NEK11: variants seen among roughly 807,000 people sequenced by gnomAD.
The protein encoded by NEK11 is NIMA related kinase 11.
Under a neutral mutation model 80.7 loss-of-function variants are expected in NEK11, and 72 were observed. The ratio of observed to expected loss-of-function variants is 0.89; its 90% confidence interval spans 0.74 to 1.08. The LOEUF (loss-of-function observed/expected upper bound fraction) is 1.08, where lower values mean the gene tolerates loss of function less well. NEK11 is among the 50% of genes least tolerant of loss of function. The pLI is 0.00. For missense variants in NEK11, 764 were observed against 763.6 expected, an observed-to-expected ratio of 1.00 and a Z score of -0.01; for synonymous variants, 251 against 260.7, an observed-to-expected ratio of 0.96 and a Z score of 0.36.
chr3:131,174,801 C>T (rs1384172669), intron 14 of NEK11: 13 of 1,610,098 alleles, frequency 8.1e-6, no homozygotes, highest in Non-Finnish European at 1.0e-5. Flanking sequence ...AGTGTTTTTT[C>T]CAAAGCTGGA....
intron 17 of NEK11, among the ~76,000 whole-genome samples, chr3:131,288,761 T>C (rs1175380969): frequency 2.0e-5 from 3 of 152,174 alleles, no homozygotes; most frequent in African/African-American, 7.2e-5. Context: ...CTATATGGTA[T>C]GCATTTCTGT....
chr3:131,220,324 G>C (rs1215209619), intron 14 of NEK11, among the ~76,000 whole-genome samples: 1 of 151,958 alleles, frequency 6.6e-6, no homozygotes, highest in African/African-American at 2.4e-5. Context: ...ATACATATGA[G>C]AAAATAATAT....
chr3:131,124,974 G>T (rs1451844192), intron 5 of NEK11, among the ~76,000 whole-genome samples: 1 of 152,136 alleles, frequency 6.6e-6, no homozygotes, highest in African/African-American at 2.4e-5. Context: ...GTAGTATAGT[G>T]CTTAGGATTA....
chr3:131,115,831 C>T (rs975538203), intron 5 of NEK11, among the ~76,000 whole-genome samples: 23 of 152,208 alleles, frequency 1.5e-4, no homozygotes, highest in Middle Eastern at 6.8e-3. Flanking sequence ...CACCTCACTG[C>T]CCATGGATTT....
At chr3:131,333,319 T>G (rs2097126572) in intron 17 of NEK11, among the ~76,000 whole-genome samples, 1 of 152,298 alleles carries the variant, frequency 6.6e-6, no homozygotes, top group African/African-American at 2.4e-5. Flanking sequence ...TATTCAACAT[T>G]CTTAAAGAAA....
intron 16 of NEK11, among the ~76,000 whole-genome samples, chr3:131,270,805 G>C (rs951492605): frequency 6.6e-6 from 1 of 152,102 alleles, no homozygotes; most frequent in Non-Finnish European, 1.5e-5. Context: ...CAGCTCTCCT[G>C]GAAATTGCTT....
At chr3:131,315,551 T>A (rs1273226591) in intron 17 of NEK11, among the ~76,000 whole-genome samples, 2 of 152,036 alleles carry the variant, frequency 1.3e-5, no homozygotes, top group Non-Finnish European at 2.9e-5. Flanking sequence ...CTTCTTTTTT[T>A]TTTTTCTTCA....
At chr3:131,172,134 G>A (rs1210304505) in intron 14 of NEK11, among the ~76,000 whole-genome samples, 1 of 152,208 alleles carries the variant, frequency 6.6e-6, no homozygotes, top group Admixed American at 6.5e-5. Flanking sequence ...CCATCCTACA[G>A]GCCTGCCTTT....
intron 16 of NEK11, among the ~76,000 whole-genome samples, chr3:131,262,400 A>G (rs2108493595): frequency 6.6e-6 from 1 of 152,308 alleles, no homozygotes; most frequent in South Asian, 2.1e-4. Flanking sequence ...AGAAATAGAA[A>G]ACCTGAATAT....
chr3:131,178,739 A>G (rs945353811), intron 14 of NEK11, among the ~76,000 whole-genome samples: 1 of 152,232 alleles, frequency 6.6e-6, no homozygotes, highest in Admixed American at 6.5e-5. Flanking sequence ...GTAAATATGT[A>G]AAGTAGTAAC....
intron 3 of NEK11, among the ~76,000 whole-genome samples, chr3:131,076,297 A>G (rs1227955549): frequency 6.6e-6 from 1 of 152,254 alleles, no homozygotes; most frequent in African/African-American, 2.4e-5. Context: ...TTTGGCCTCT[A>G]CTATTAAGAA....
At chr3:131,116,122 G>A (rs953298044) in intron 5 of NEK11, among the ~76,000 whole-genome samples, 11 of 151,368 alleles carry the variant, frequency 7.3e-5, no homozygotes, top group African/African-American at 1.5e-4. Flanking sequence ...GCTATCCCTC[G>A]CCTTCCCCCC....
chr3:131,254,342 C>A (rs952088433), intron 16 of NEK11, among the ~76,000 whole-genome samples: 9 of 152,108 alleles, frequency 5.9e-5, no homozygotes, highest in African/African-American at 2.2e-4. Context: ...GTGAAAAACA[C>A]AATAGTGCAA....
intron 14 of NEK11, among the ~76,000 whole-genome samples, chr3:131,210,608 A>T (rs112866290): frequency 0.032 from 4,839 of 152,242 alleles, 230 homozygotes; most frequent in African/African-American, 0.1. Flanking sequence ...GTGGGAGTCT[A>T]AGTCTCTTTG....
At chr3:131,099,319 CT>C (rs2077990717) in intron 4 of NEK11, among the ~76,000 whole-genome samples, 1 of 152,072 alleles carries the variant, frequency 6.6e-6, no homozygotes, top group Admixed American at 6.6e-5. Context: ...TCTGTAGCTA[CT>C]GGTTTATGGG....
intron 5 of NEK11, among the ~76,000 whole-genome samples, chr3:131,112,129 A>AT (rs1368433849): frequency 1.3e-5 from 2 of 152,212 alleles, no homozygotes; most frequent in Non-Finnish European, 2.9e-5. Flanking sequence ...AGAAATGTCC[A>AT]TAGAAGCCTT....
chr3:131,279,858 C>A (rs2096367433), intron 17 of NEK11, among the ~76,000 whole-genome samples: 1 of 152,216 alleles, frequency 6.6e-6, no homozygotes, highest in Non-Finnish European at 1.5e-5. Context: ...ACAGGCACCT[C>A]ACTAGCAGCG....
chr3:131,262,418 A>G (rs988394225), intron 16 of NEK11, among the ~76,000 whole-genome samples: 2 of 152,204 alleles, frequency 1.3e-5, no homozygotes, highest in African/African-American at 4.8e-5. Context: ...TATGCCTATC[A>G]TATTCTATAG....
At chr3:131,030,673 A>C (rs1159909180) in intron 3 of NEK11, among the ~76,000 whole-genome samples, 1 of 152,222 alleles carries the variant, frequency 6.6e-6, no homozygotes, top group African/African-American at 2.4e-5. Context: ...TTAAACACTT[A>C]AACCAAATGG....
Sources: allele counts gnomAD v4.1 joint callset (sites outside exome capture counted in the v4.1 genomes callset), GRCh38; gene constraint gnomAD v4.1.1; transcripts MANE v1.5; gene names NCBI Gene and HGNC (gene_info 2026-07-23, HGNC 2026-07-21).